The following THSD4 variants were observed in gnomAD, a reference collection of about 807,000 sequenced individuals.
THSD4 encodes the protein thrombospondin type 1 domain containing 4.
Under a neutral mutation model 119.0 loss-of-function variants are expected in THSD4, and 69 were observed. That is an observed-to-expected ratio of 0.58 (90% confidence interval 0.48 to 0.71). The LOEUF (loss-of-function observed/expected upper bound fraction) is 0.71, where lower values mean the gene tolerates loss of function less well. Ranked by LOEUF, THSD4 falls within the 30% of genes least tolerant of loss-of-function variation. The pLI, the probability that THSD4 is intolerant of heterozygous loss-of-function variation, is 0.00. For synonymous variants in THSD4, 524 were observed against 540.4 expected (o/e 0.97, Z 0.42); for missense variants, 1,393 against 1,391.1 (o/e 1.00, Z -0.02).
chr15:71,551,589 C>T (rs2048929522), intron 7 of THSD4, among the ~76,000 whole-genome samples: 1 of 152,028 alleles, frequency 6.6e-6, no homozygotes, highest in Non-Finnish European at 1.5e-5. Context: ...CGAAGAAAAT[C>T]AACAAAAGGA....
intron 1 of THSD4, among the ~76,000 whole-genome samples, chr15:71,131,469 GA>G (rs1238641263): frequency 0.011 from 1,299 of 113,178 alleles, 7 homozygotes; most frequent in Middle Eastern, 0.048. Flanking sequence ...GACTCCATCT[GA>G]AAAAAAAAAA....
intron 1 of THSD4, among the ~76,000 whole-genome samples, chr15:71,134,880 T>G (rs1022389033): frequency 7.3e-5 from 11 of 151,648 alleles, no homozygotes; most frequent in African/African-American, 9.7e-5. Context: ...TATACCCAAA[T>G]GACTATAAAT....
intron 4 of THSD4, among the ~76,000 whole-genome samples, chr15:71,224,869 G>T (rs1567162396): frequency 6.6e-6 from 1 of 152,066 alleles, no homozygotes; most frequent in Admixed American, 6.6e-5. Flanking sequence ...AGGTAATCCA[G>T]GATAATCTCC....
At chr15:71,565,604 C>G (rs141698147) in intron 7 of THSD4, among the ~76,000 whole-genome samples, 1 of 152,256 alleles carries the variant, frequency 6.6e-6, no homozygotes, top group Non-Finnish European at 1.5e-5. Flanking sequence ...AAGACTTTAG[C>G]AGGCTGGAAG....
At chr15:71,413,680 T>C (rs894289227) in intron 7 of THSD4, among the ~76,000 whole-genome samples, 5 of 152,224 alleles carry the variant, frequency 3.3e-5, no homozygotes, top group African/African-American at 1.2e-4. Flanking sequence ...AAGGTGTCAC[T>C]TGATATCTGA....
At chr15:71,306,466 C>T (rs1220031299) in intron 6 of THSD4, among the ~76,000 whole-genome samples, 1 of 152,070 alleles carries the variant, frequency 6.6e-6, no homozygotes, top group Non-Finnish European at 1.5e-5. Context: ...AAAGCCTGTG[C>T]TCATTTCAGT....
rs149121840 is a variant in THSD4, at chr15:71,577,017, G to T, written c.1153-83513G>T. On this transcript the variant is annotated intron_variant, in intron 7 of 17. Coordinates refer to ENST00000261862, the MANE Select transcript of THSD4 (RefSeq NM_024817.3). ...AATAGAATGTTTTATATAATAAATG[G>T]TATTTTTGGAAAGTACTGGATTATG... Among the ~76,000 whole-genome samples, 476 of 149,290 alleles carry T rather than the reference G, an allele frequency of 3.2e-3. 3 individuals carry two copies. The highest frequency in any genetic ancestry group is 0.012 in the African/African-American group (461 of 39,568).
intron 9 of THSD4, chr15:71,729,132 G>C (rs2052924540): frequency 9.1e-6 from 2 of 219,644 alleles, no homozygotes; most frequent in South Asian, 7.4e-5. Flanking sequence ...ACCGCTCCCA[G>C]CTCCCAGCCC....
chr15:71,410,299 C>A (rs1381877207), intron 6 of THSD4, among the ~76,000 whole-genome samples: 1 of 152,158 alleles, frequency 6.6e-6, no homozygotes, highest in Non-Finnish European at 1.5e-5. Flanking sequence ...CTCGCAAAAC[C>A]ACACTGCAAT....
At chr15:71,720,857 C>G (rs2052708738) in intron 8 of THSD4, among the ~76,000 whole-genome samples, 1 of 152,250 alleles carries the variant, frequency 6.6e-6, no homozygotes, top group Non-Finnish European at 1.5e-5. Context: ...ACTGCTGAAG[C>G]ATTGCAAAGC....
rs1434758068 is a variant in THSD4, at chr15:71,781,635, A to C, written c.*4261A>C. On this transcript the variant is annotated 3_prime_UTR_variant, in exon 18 of 18. Coordinates refer to ENST00000261862, the MANE Select transcript of THSD4 (RefSeq NM_024817.3). ...CAAGGAGAGCTCTCCTAGGACCAGG[A>C]CCAAGAAGCTACAGGCAGGCACAGT... 1 of 152,368 alleles carries C rather than the reference A, an allele frequency of 6.6e-6. No individual in the cohort carries two copies. Among genetic ancestry groups the C allele is most frequent in the Non-Finnish European group, 1.5e-5 (1 of 68,174 alleles). The allele number at this position is 152,368 out of a possible 1,614,324, so 9.4% of individuals were successfully genotyped here. A position where few individuals can be genotyped will look rare whatever the true frequency, so the allele number is the denominator to read the frequency against.
chr15:71,654,330 C>G (rs2051148085), intron 7 of THSD4, among the ~76,000 whole-genome samples: 1 of 152,132 alleles, frequency 6.6e-6, no homozygotes, highest in African/African-American at 2.4e-5. Flanking sequence ...TATCGAAGGT[C>G]AGTTTTACAG....
chr15:71,169,421 G>T (rs2043330680), intron 3 of THSD4, among the ~76,000 whole-genome samples: 1 of 152,094 alleles, frequency 6.6e-6, no homozygotes, highest in Admixed American at 6.6e-5. Flanking sequence ...GTATTCCTAG[G>T]TATTTACCCA....
chr15:71,666,098 T>G (rs2051412623), intron 8 of THSD4, among the ~76,000 whole-genome samples: 1 of 152,224 alleles, frequency 6.6e-6, no homozygotes, highest in Admixed American at 6.5e-5. Flanking sequence ...TTGGGCAGTA[T>G]AGCCATTTTA....
chr15:71,725,549 C>T lies in THSD4; in HGVS notation c.1358-3000C>T, dbSNP rs545121531. Among the ~76,000 whole-genome samples, 10 of 152,136 alleles carry T rather than the reference C, an allele frequency of 6.6e-5. No homozygotes were observed. The Middle Eastern group carries it at 0.01, about 156-fold the overall frequency. ...AAAACAGAAATGAGCAGCCTGAGAG[C>T]AGGAGGAAAGCAAGGGGAGTGTGGT... On this transcript the variant is annotated intron_variant, in intron 8 of 17. Coordinates refer to ENST00000261862, the MANE Select transcript of THSD4 (RefSeq NM_024817.3).
intron 8 of THSD4, among the ~76,000 whole-genome samples, chr15:71,700,712 C>T (rs2052269067): frequency 6.6e-6 from 1 of 151,826 alleles, no homozygotes; most frequent in Non-Finnish European, 1.5e-5. Flanking sequence ...AACAGGGATA[C>T]CAAAGAGATG....
At chr15:71,647,473 A>G (rs913651538) in intron 7 of THSD4, among the ~76,000 whole-genome samples, 15 of 152,196 alleles carry the variant, frequency 9.9e-5, no homozygotes, top group Non-Finnish European at 2.1e-4. Context: ...CATGGAACAC[A>G]ATGTCTTTAT....
intron 3 of THSD4, chr15:71,187,562 T>A (rs2043621660): frequency 6.6e-6 from 1 of 152,608 alleles, no homozygotes; most frequent in Non-Finnish European, 1.5e-5. Flanking sequence ...GAAACTTACA[T>A]CCAAAGGCAG....
intron 11 of THSD4, among the ~76,000 whole-genome samples, chr15:71,742,538 A>G (rs1417747415): frequency 6.6e-6 from 1 of 152,182 alleles, no homozygotes; most frequent in Non-Finnish European, 1.5e-5. Context: ...ATTTTGATCA[A>G]CATGTCCGCA....
Sources: gnomAD v4.1 joint callset for allele counts (sites outside exome capture counted in the v4.1 genomes callset) on GRCh38, gnomAD v4.1.1 for gene constraint, MANE v1.5 for transcripts, NCBI Gene and HGNC (gene_info 2026-07-23, HGNC 2026-07-21) for gene names.